AMN1: variants seen among roughly 807,000 people sequenced by gnomAD.
AMN1 encodes the protein antagonist of mitotic exit network 1 homolog.
In AMN1, 20 loss-of-function variants were observed where a neutral mutation model predicts 33.0. That is an observed-to-expected ratio of 0.61 (90% CI 0.43 to 0.88). The LOEUF (loss-of-function observed/expected upper bound fraction) is 0.88. AMN1 is among the 40% of genes least tolerant of loss of function. AMN1 has a pLI of 0.00. For synonymous variants in AMN1, 114 were observed against 111.9 expected (o/e 1.02, Z -0.12); for missense variants, 246 against 307.4 (o/e 0.80, Z 1.49).
intron 1 of AMN1, among the ~76,000 whole-genome samples, chr12:31,711,663 A>C (rs1939471552): frequency 6.6e-6 from 1 of 152,224 alleles, no homozygotes; most frequent in Non-Finnish European, 1.5e-5. Flanking sequence ...GTAAAGATCA[A>C]ATCAGGGTAA....
chr12:31,685,601 C>CA (rs1938223015), intron 6 of AMN1, among the ~76,000 whole-genome samples: 1 of 151,800 alleles, frequency 6.6e-6, no homozygotes, highest in African/African-American at 2.4e-5. Context: ...AGGAGTTCGA[C>CA]AACAGCCTGG....
chr12:31,680,122 C>CA (rs199557679), intron 6 of AMN1, among the ~76,000 whole-genome samples: 16,030 of 118,784 alleles, frequency 0.13, 1,050 homozygotes, highest in East Asian at 0.3. Context: ...AACTCCATCT[C>CA]AAAAAAAAAA....
chr12:31,699,110 G>A (rs1186607844), intron 3 of AMN1, among the ~76,000 whole-genome samples: 4 of 152,024 alleles, frequency 2.6e-5, no homozygotes, highest in Non-Finnish European at 4.4e-5. Flanking sequence ...AAACTCTTGG[G>A]ACGGGTGTGG....
intron 6 of AMN1, among the ~76,000 whole-genome samples, chr12:31,682,600 T>C (rs1339020736): frequency 6.6e-6 from 1 of 152,116 alleles, no homozygotes; most frequent in East Asian, 1.9e-4. Flanking sequence ...TATCTATGGA[T>C]AGTAGACGTT....
chr12:31,685,292 G>A (rs565811540), intron 6 of AMN1, among the ~76,000 whole-genome samples: 11 of 152,034 alleles, frequency 7.2e-5, no homozygotes, highest in Non-Finnish European at 1.2e-4. Flanking sequence ...GCCTCCCAAA[G>A]TGTTGGGATT....
intron 1 of AMN1, among the ~76,000 whole-genome samples, chr12:31,722,792 A>G (rs937111078): frequency 6.6e-6 from 1 of 152,192 alleles, no homozygotes. Context: ...CTCTTGTTGT[A>G]CTGAAACCTG....
At chr12:31,729,052 G>A (rs992897604), upstream of AMN1, 1 of 1,506,048 alleles carries the variant, frequency 6.6e-7, no homozygotes, top group Non-Finnish European at 9.0e-7. Context: ...AGGGCCTCCA[G>A]AACCCAGCCA....
At chr12:31,727,294 C>T (rs974649318) in intron 1 of AMN1, among the ~76,000 whole-genome samples, 1 of 152,184 alleles carries the variant, frequency 6.6e-6, no homozygotes, top group Non-Finnish European at 1.5e-5. Flanking sequence ...GATTTTGTAA[C>T]AGTCTTCTAA....
intron 1 of AMN1, chr12:31,715,300 A>G: frequency 5.0e-6 from 1 of 199,200 alleles, no homozygotes; most frequent in Non-Finnish European, 1.1e-5. Flanking sequence ...CTGAATATCT[A>G]GGAAGAAGAG....
chr12:31,722,280 TTA>T (rs1465138965), intron 1 of AMN1, among the ~76,000 whole-genome samples: 5 of 152,136 alleles, frequency 3.3e-5, no homozygotes, highest in African/African-American at 1.2e-4. Flanking sequence ...TCAAAATGTG[TTA>T]TGTTTTTGGT....
At chr12:31,722,505 T>A (rs900846858) in intron 1 of AMN1, among the ~76,000 whole-genome samples, 2 of 152,104 alleles carry the variant, frequency 1.3e-5, no homozygotes, top group Non-Finnish European at 2.9e-5. Flanking sequence ...GGTCCATGCA[T>A]CTTAGTAAGG....
At position 31,687,556 on chromosome 12, in the gene AMN1, G is replaced by A. The variant is rs1938318198; in HGVS notation, c.703+1451C>T. Among the ~76,000 whole-genome samples, 3 of 151,910 alleles carry A rather than the reference G, an allele frequency of 2.0e-5. No homozygotes were observed. Among genetic ancestry groups the A allele is most frequent in the South Asian group, 2.1e-4 (1 of 4,812 alleles). ...AAATTAGTTGGATGTGGTGGCATGC[G>A]CCTGTAGTCCCAGCTACTTGGGAGG... On this transcript the variant is annotated intron_variant, in intron 6 of 6. Coordinates refer to ENST00000281471, the MANE Select transcript of AMN1 (RefSeq NM_001113402.2). This position sits in a 1 kb window ranked among gnomAD's most constrained non-coding sequence, Gnocchi z 4.1.
Position 31,672,083 on chromosome 12 carries a change from A to ATTTTTGTATAT in AMN1, c.*220_*221insATATACAAAAA, listed in dbSNP as rs1157035163. On this transcript the variant is annotated 3_prime_UTR_variant, in exon 7 of 7. Coordinates refer to ENST00000281471, the MANE Select transcript of AMN1 (RefSeq NM_001113402.2). ...ATTATCATTTCAAAAATAATGACTC[A>ATTTTTGTATAT]TCCAACAGATATAGAATAATAGCAC... 12 of 433,382 alleles carry ATTTTTGTATAT rather than the reference A, an allele frequency of 2.8e-5. No homozygotes were observed. In the Admixed American group the frequency reaches 4.6e-4, roughly 16 times the overall value. The allele number at this position is 433,382 out of a possible 1,614,324, so 26.8% of individuals were successfully genotyped here.
chr12:31,698,330 T>G (rs1203928907), intron 3 of AMN1, among the ~76,000 whole-genome samples: 1 of 152,232 alleles, frequency 6.6e-6, no homozygotes, highest in Non-Finnish European at 1.5e-5. Context: ...CTAGTGGACT[T>G]TGGAGGCAAA....
chr12:31,726,351 G>A (rs1017062614), intron 1 of AMN1, among the ~76,000 whole-genome samples: 10 of 151,972 alleles, frequency 6.6e-5, no homozygotes, highest in African/African-American at 2.4e-4. Flanking sequence ...AGTAGAGACA[G>A]GGTTTCTCCA....
Position 31,697,658 on chromosome 12 carries a change from C to G in AMN1, c.534+82G>C. 8 of 1,433,394 alleles carry G rather than the reference C, an allele frequency of 5.6e-6. No homozygotes were observed. The South Asian group carries it at 9.4e-5, about 17-fold the overall frequency. The allele number at this position is 1,433,394 out of a possible 1,614,324, so 88.8% of individuals were successfully genotyped here. On this transcript the variant is annotated intron_variant, in intron 4 of 6. Coordinates refer to ENST00000281471, the MANE Select transcript of AMN1 (RefSeq NM_001113402.2). ...AGTTTCAACAAAAACAAAATGAACT[C>G]CTTATGATATGTTCTCATTAGTCAT...
At chr12:31,682,193 C>CA (rs1266722371) in intron 6 of AMN1, among the ~76,000 whole-genome samples, 2 of 152,152 alleles carry the variant, frequency 1.3e-5, no homozygotes, top group African/African-American at 4.8e-5. Flanking sequence ...GCATGTTGCC[C>CA]TTCACAAACT....
chr12:31,678,524 G>A (rs1311651019), intron 6 of AMN1, among the ~76,000 whole-genome samples: 3 of 152,054 alleles, frequency 2.0e-5, no homozygotes, highest in Middle Eastern at 3.4e-3. Context: ...AGTCTCCCGA[G>A]TAGCTGGGAC....
intron 1 of AMN1, among the ~76,000 whole-genome samples, chr12:31,723,456 G>A (rs925833566): frequency 4.0e-5 from 6 of 151,856 alleles, no homozygotes; most frequent in South Asian, 2.1e-4. Flanking sequence ...GACTACAGGC[G>A]CCCGCCACTA....
Sources: gnomAD v4.1 joint callset for allele counts (sites outside exome capture counted in the v4.1 genomes callset) on GRCh38, gnomAD v4.1.1 for gene constraint, Gnocchi (gnomAD v3.1) non-coding constraint, MANE v1.5 for transcripts, NCBI Gene and HGNC (gene_info 2026-07-23, HGNC 2026-07-21) for gene names.